Variants in WNT5B observed in about 807,000 individuals in gnomAD.
The protein encoded by WNT5B is protein Wnt-5b.
A neutral mutation model predicts 36.5 loss-of-function variants in WNT5B; 18 were observed. That is an observed-to-expected ratio of 0.49 (90% CI 0.34 to 0.73). WNT5B has a LOEUF of 0.73. WNT5B is among the 30% of genes least tolerant of loss of function. WNT5B has a pLI of 0.01. For missense variants in WNT5B, 424 were observed against 508.4 expected (o/e 0.83, Z 1.60); for synonymous variants, 213 against 212.3 (o/e 1.00, Z -0.03).
At chr12:1,643,464 C>G (rs1376412415) in intron 4 of WNT5B, among the ~76,000 whole-genome samples, 1 of 152,114 alleles carries the variant, frequency 6.6e-6, no homozygotes, top group East Asian at 1.9e-4. Context: ...TTCCCAGGTT[C>G]AAGCGATTCT....
At chr12:1,638,817 A>G (rs1410242410) in intron 3 of WNT5B, among the ~76,000 whole-genome samples, 1 of 152,112 alleles carries the variant, frequency 6.6e-6, no homozygotes, top group African/African-American at 2.4e-5. Flanking sequence ...AGACATTGTA[A>G]TTCTAGTTCA....
At chr12:1,641,989 T>C (rs1252908477) in intron 4 of WNT5B, among the ~76,000 whole-genome samples, 1 of 152,228 alleles carries the variant, frequency 6.6e-6, no homozygotes, top group Non-Finnish European at 1.5e-5. Flanking sequence ...GAGTGGGTTA[T>C]ATGCCCAGGG....
chr12:1,620,506 T>C (rs2094532276), intron 1 of WNT5B, among the ~76,000 whole-genome samples: 1 of 152,154 alleles, frequency 6.6e-6, no homozygotes, highest in Admixed American at 6.5e-5. Flanking sequence ...TTGCTTCTGG[T>C]CTGAGGCTAT....
Position 1,632,804 on chromosome 12 carries a change from C to G in WNT5B, c.227C>G (p.Ala76Gly). Reference sequence around the variant, plus strand: ...CACATGGCCTACATAGGGGAGGGAGCCAAGACTGGCATCAAGGAATGCCAG... The same window carrying G: ...CACATGGCCTACATAGGGGAGGGAGGCAAGACTGGCATCAAGGAATGCCAG... ...QEHMAYIGEG[A>G]KTGIKECQHQ... The change falls in exon 3 of 5, where the codon GCC becomes GGC. Residue 76 changes from alanine to glycine, a missense_variant. By Grantham distance (60) the Ala-to-Gly change is moderately conservative. Transcript: ENST00000397196. This position sits in a 1 kb window ranked among gnomAD's most constrained non-coding sequence, Gnocchi z 5.8. 6.2e-7 allele frequency: 1 copy of G among 1,614,150 alleles called. No homozygotes were observed. The highest frequency in any genetic ancestry group is 8.5e-7 in the Non-Finnish European group (1 of 1,180,012).
At position 1,633,839 on chromosome 12, in the gene WNT5B, AG is replaced by A. The variant is rs2094555553; in HGVS notation, c.328+937del. On this transcript the variant is annotated intron_variant, in intron 3 of 4. Coordinates refer to ENST00000397196, the MANE Select transcript of WNT5B (RefSeq NM_032642.3). The surrounding 1 kb of genome is among the most constrained non-coding windows in gnomAD (Gnocchi z 4.8). ...AGAGATTTCTTCGTGCTCCTCTCTT[AG>A]GGAGGATACTTGGAAGGCTCCTTCC... 6.6e-6 allele frequency among the ~76,000 whole-genome samples: 1 copy of A among 152,048 alleles called. No individual in the cohort carries two copies. The highest frequency in any genetic ancestry group is 2.4e-5 in the African/African-American group (1 of 41,394).
At chr12:1,641,056 G>A (rs2094574238) in intron 4 of WNT5B, among the ~76,000 whole-genome samples, 1 of 152,196 alleles carries the variant, frequency 6.6e-6, no homozygotes, top group Non-Finnish European at 1.5e-5. Context: ...CTGGTTCCCA[G>A]GCGAGGTAAT....
At chr12:1,621,792 A>T (rs2094534148) in intron 1 of WNT5B, among the ~76,000 whole-genome samples, 1 of 149,442 alleles carries the variant, frequency 6.7e-6, no homozygotes, top group East Asian at 2.0e-4. Flanking sequence ...TGATCCTCCC[A>T]TCCCGGCCTC....
Position 1,618,930 on chromosome 12 carries a change from C to T in WNT5B, c.-58+1787C>T, listed in dbSNP as rs1173906311. Among the ~76,000 whole-genome samples the T allele has an allele frequency of 6.6e-6, 1 of 152,156 alleles. No individual in the cohort carries two copies. The highest frequency in any genetic ancestry group is 1.5e-5 in the Non-Finnish European group (1 of 68,026). The stretch of plus-strand genomic sequence containing the variant: ...AGGCATTAGATTTTAGTGTGAAGGC[C>T]TCAGGAATTGTTTCTGCGCTCCTGC... On this transcript the variant is annotated intron_variant, in intron 1 of 4. Coordinates refer to the WNT5B transcript ENST00000310594. The surrounding 1 kb of genome is among the most constrained non-coding windows in gnomAD (Gnocchi z 4.1).
upstream of WNT5B, among the ~76,000 whole-genome samples, chr12:1,626,817 G>A (rs886253587): frequency 5.3e-5 from 8 of 151,856 alleles, no homozygotes; most frequent in East Asian, 1.9e-4. Context: ...TGCCCGCCTC[G>A]GCCTCCCAAA....
intron 4 of WNT5B, among the ~76,000 whole-genome samples, chr12:1,642,694 T>A (rs926474221): frequency 6.6e-6 from 1 of 152,064 alleles, no homozygotes; most frequent in Admixed American, 6.5e-5. Context: ...TGCTGCTGGG[T>A]CTCACTTTAT....
intron 1 of WNT5B, among the ~76,000 whole-genome samples, chr12:1,620,283 A>C (rs963247046): frequency 6.6e-6 from 1 of 152,124 alleles, no homozygotes; most frequent in South Asian, 2.1e-4. Flanking sequence ...CTTAACCACC[A>C]ATGTGTGGGT....
chr12:1,641,258 C>T (rs1174925178), intron 4 of WNT5B, among the ~76,000 whole-genome samples: 2 of 151,886 alleles, frequency 1.3e-5, no homozygotes, highest in African/African-American at 4.8e-5. Context: ...TGGTGGCAGG[C>T]ACCTGTAATC....
chr12:1,629,010 C>A (rs1399265263), upstream of WNT5B, among the ~76,000 whole-genome samples: 2 of 151,840 alleles, frequency 1.3e-5, no homozygotes, highest in Non-Finnish European at 2.9e-5. Context: ...GAGAAAGAAG[C>A]CACTGCACAT....
chr12:1,625,195 A>G (rs774171812), upstream of WNT5B, among the ~76,000 whole-genome samples: 17 of 152,190 alleles, frequency 1.1e-4, no homozygotes, highest in Non-Finnish European at 1.9e-4. Flanking sequence ...GGGAACCACT[A>G]TACGTTTTCA....
upstream of WNT5B, among the ~76,000 whole-genome samples, chr12:1,628,159 AC>A (rs2094543827): frequency 7.5e-6 from 1 of 132,906 alleles, no homozygotes; most frequent in Admixed American, 7.3e-5. Flanking sequence ...CCTGACTCCC[AC>A]TTTTTTTTTT....
rs2094554576 is a variant in WNT5B at position 1,633,304 on chromosome 12, C to T, written c.328+399C>T. 6.6e-6 allele frequency among the ~76,000 whole-genome samples: 1 copy of T among 152,212 alleles called. No individual in the cohort carries two copies. The highest frequency in any genetic ancestry group is 2.4e-5 in the African/African-American group (1 of 41,464). ...GCCTTGGGTAGAGAACCAGAAATTG[C>T]AGCCCTGAATGTCTGTTGGATTTTT... On this transcript the variant is annotated intron_variant, in intron 3 of 4. Coordinates refer to ENST00000397196, the MANE Select transcript of WNT5B (RefSeq NM_032642.3). This position sits in a 1 kb window ranked among gnomAD's most constrained non-coding sequence, Gnocchi z 4.8.
chr12:1,617,312 A>AATAT (rs35389812), intron 1 of WNT5B, among the ~76,000 whole-genome samples: 54 of 148,020 alleles, frequency 3.6e-4, no homozygotes, highest in East Asian at 1.2e-3. Flanking sequence ...TAATATATAA[A>AATAT]ATATATATAT....
chr12:1,627,142 C>G (rs1013987312), upstream of WNT5B, among the ~76,000 whole-genome samples: 2 of 152,116 alleles, frequency 1.3e-5, no homozygotes, highest in Non-Finnish European at 2.9e-5. This position sits in a 1 kb window ranked among gnomAD's most constrained non-coding sequence, Gnocchi z 5.0. Context: ...AGAATAATGG[C>G]GATGGGGGCC....
At chr12:1,638,033 G>T (rs1381138524) in intron 3 of WNT5B, among the ~76,000 whole-genome samples, 2 of 152,204 alleles carry the variant, frequency 1.3e-5, no homozygotes, top group East Asian at 3.9e-4. Flanking sequence ...CGGATCACGA[G>T]GTCAGGAGAT....
Sources: allele counts gnomAD v4.1 joint callset (sites outside exome capture counted in the v4.1 genomes callset), GRCh38; gene constraint gnomAD v4.1.1; non-coding constraint Gnocchi (gnomAD v3.1); transcripts MANE v1.5; gene names NCBI Gene and HGNC (gene_info 2026-07-23, HGNC 2026-07-21).